Variants in CHRM5 observed in about 807,000 individuals in gnomAD.
CHRM5 encodes the protein muscarinic acetylcholine receptor M5.
In CHRM5, 18 loss-of-function variants were observed where a neutral mutation model predicts 39.0. The observed-to-expected ratio is 0.46, with a 90% confidence interval of 0.32 to 0.68. The LOEUF (loss-of-function observed/expected upper bound fraction) is 0.68. CHRM5 is among the 30% of genes least tolerant of loss of function. The pLI is 0.04. For synonymous variants in CHRM5, 241 were observed against 246.3 expected (o/e 0.98, Z 0.20); for missense variants, 515 against 651.1 (o/e 0.79, Z 2.28).
At chr15:34,003,868 T>C (rs767931909) in intron 1 of CHRM5, among the ~76,000 whole-genome samples, 12 of 152,214 alleles carry the variant, frequency 7.9e-5, no homozygotes, top group Non-Finnish European at 1.5e-4. Flanking sequence ...ATACATGTTA[T>C]GACCAGAACC....
Position 34,064,088 on chromosome 15 carries a change from G to A in CHRM5, c.1371G>A (p.Pro457=), listed in dbSNP as rs140200556. ...TGGCCTTCATCATCACATGGACCCC[G>A]TATAACATCATGGTCCTGGTTTCTA... ...ILLAFIITWT[P]YNIMVLVSTF... is the part of the protein sequence containing the mutation. The change falls in exon 3 of 3, where the codon CCG becomes CCA. Residue 457 remains proline (P), a synonymous_variant. Coordinates refer to ENST00000383263, the MANE Select transcript of CHRM5 (RefSeq NM_012125.4). 105 of 1,614,028 alleles carry A rather than the reference G, an allele frequency of 6.5e-5. No homozygotes were observed. Among genetic ancestry groups the A allele is most frequent in the African/African-American group, 8.0e-5 (6 of 74,920 alleles).
rs1567494966 is a variant in CHRM5, at chr15:34,064,011, G to GGAAAGAGCCC, written c.1294_1295insGAAAGAGCCC (p.Val432GlyfsTer31). On this transcript the variant is annotated frameshift_variant, in exon 3 of 3. Transcript: ENST00000383263. LOFTEE classifies it high-confidence loss of function. ...CCATCAAATGACCAAACGAAAGAGA[G>GGAAAGAGCCC]TGGTCCTAGTCAAAGAGAGGAAAGC... is the stretch of plus-strand genomic sequence containing the variant. 6.2e-7 allele frequency: 1 copy of GGAAAGAGCCC among 1,614,178 alleles called. No individual in the cohort carries two copies.
chr15:34,061,016 A>G (rs1420508670), intron 2 of CHRM5, among the ~76,000 whole-genome samples: 2 of 139,234 alleles, frequency 1.4e-5, no homozygotes, highest in East Asian at 4.0e-4. Flanking sequence ...ACTCCGTCTC[A>G]AAAAAAAAAA....
At chr15:34,043,230 G>A (rs7494836) in intron 1 of CHRM5, among the ~76,000 whole-genome samples, 14,113 of 149,740 alleles carry the variant, frequency 0.094, 867 homozygotes, top group East Asian at 0.31. Context: ...CTGGGCGACC[G>A]AGCAAGAATC....
At chr15:33,983,729 T>C (rs1045210516) in intron 1 of CHRM5, among the ~76,000 whole-genome samples, 2 of 151,844 alleles carry the variant, frequency 1.3e-5, no homozygotes, top group Non-Finnish European at 2.9e-5. Flanking sequence ...GAACAATAAA[T>C]GGAAAGGGAA....
intron 2 of CHRM5, among the ~76,000 whole-genome samples, chr15:34,055,281 T>C (rs560657342): frequency 4.1e-4 from 62 of 151,226 alleles, no homozygotes; most frequent in Non-Finnish European, 8.4e-4. Context: ...GTGGATCTCT[T>C]GAGGCCAGGA....
At chr15:33,996,195 A>G (rs1156678731) in intron 1 of CHRM5, among the ~76,000 whole-genome samples, 1 of 152,218 alleles carries the variant, frequency 6.6e-6, no homozygotes, top group Non-Finnish European at 1.5e-5. Flanking sequence ...AAGTGGACAG[A>G]GCCCACTGCA....
chr15:34,023,861 C>T (rs2702282), intron 1 of CHRM5, among the ~76,000 whole-genome samples: 1 of 151,996 alleles, frequency 6.6e-6, no homozygotes, highest in African/African-American at 2.4e-5. Flanking sequence ...ACAGATGCCA[C>T]GTTTTTGGCC....
intron 1 of CHRM5, among the ~76,000 whole-genome samples, chr15:34,025,772 T>TTGTGTGTG (rs566774077): frequency 1.3e-5 from 2 of 151,850 alleles, no homozygotes; most frequent in Admixed American, 6.6e-5. Flanking sequence ...GTGTGTGTGT[T>TTGTGTGTG]TGTGTGTGTG....
rs975193777 is a variant in CHRM5 at position 34,040,511 on chromosome 15, C to T, written c.-407-6029C>T. On this transcript the variant is annotated intron_variant, in intron 1 of 2. Coordinates refer to ENST00000383263, the MANE Select transcript of CHRM5 (RefSeq NM_012125.4). Reference sequence around the variant, plus strand: ...TTGTAGAGCACTTATATGCACCAAACACTATTCTACATACTTCTCATATCA... The same window carrying T: ...TTGTAGAGCACTTATATGCACCAAATACTATTCTACATACTTCTCATATCA... Among the ~76,000 whole-genome samples the T allele has an allele frequency of 7.2e-5, 11 of 152,174 alleles. No homozygotes were observed. In the South Asian group the frequency reaches 1.0e-3, roughly 14 times the overall value.
intron 1 of CHRM5, among the ~76,000 whole-genome samples, chr15:34,007,456 T>C (rs1398792434): frequency 1.3e-5 from 2 of 152,204 alleles, no homozygotes; most frequent in Non-Finnish European, 2.9e-5. Flanking sequence ...CAGGCACGCT[T>C]TTCCTCTAGT....
chr15:34,036,982 G>A (rs958454754), intron 1 of CHRM5, among the ~76,000 whole-genome samples: 2 of 152,048 alleles, frequency 1.3e-5, no homozygotes, highest in African/African-American at 4.8e-5. Flanking sequence ...GGTGGCTCAT[G>A]CCTGTAATCC....
chr15:34,038,783 C>T (rs1235712405), intron 1 of CHRM5: 3 of 1,177,150 alleles, frequency 2.5e-6, no homozygotes, highest in African/African-American at 1.6e-5. Flanking sequence ...CTCTTACCGG[C>T]GCGCTGGCCC....
At chr15:33,970,325 T>G (rs1344444538) in intron 1 of CHRM5, among the ~76,000 whole-genome samples, 3 of 151,954 alleles carry the variant, frequency 2.0e-5, no homozygotes, top group Non-Finnish European at 2.9e-5. Context: ...ATCATAAGTC[T>G]TTTACATCTG....
chr15:34,032,497 T>C (rs1349868438), intron 1 of CHRM5, among the ~76,000 whole-genome samples: 2 of 152,186 alleles, frequency 1.3e-5, no homozygotes, highest in South Asian at 2.1e-4. Context: ...CTGGAAACCA[T>C]ATTCTGCAAA....
intron 1 of CHRM5, among the ~76,000 whole-genome samples, chr15:34,040,485 C>T (rs955504330): frequency 2.0e-5 from 3 of 152,162 alleles, no homozygotes; most frequent in African/African-American, 7.2e-5. Flanking sequence ...AATAGTAACA[C>T]TTGTAGAGCA....
chr15:34,041,057 A>G (rs1899454956), intron 1 of CHRM5, among the ~76,000 whole-genome samples: 1 of 152,106 alleles, frequency 6.6e-6, no homozygotes, highest in African/African-American at 2.4e-5. Flanking sequence ...ATCTCAAACT[A>G]GACATTTGCA....
intron 2 of CHRM5, among the ~76,000 whole-genome samples, chr15:34,051,721 C>T (rs563972744): frequency 6.6e-5 from 10 of 151,952 alleles, no homozygotes; most frequent in Middle Eastern, 3.2e-3. Context: ...CTTCTATGCA[C>T]GTAAACTAGA....
intron 2 of CHRM5, among the ~76,000 whole-genome samples, chr15:34,054,028 A>G (rs1900040170): frequency 6.6e-6 from 1 of 152,334 alleles, no homozygotes; most frequent in African/African-American, 2.4e-5. Flanking sequence ...CTGTATGAAC[A>G]AACACTTCTC....
Sources: gnomAD v4.1 joint callset for allele counts (sites outside exome capture counted in the v4.1 genomes callset) on GRCh38, gnomAD v4.1.1 for gene constraint, MANE v1.5 for transcripts, NCBI Gene and HGNC (gene_info 2026-07-23, HGNC 2026-07-21) for gene names.